TYW1B: variants seen among roughly 807,000 people sequenced by gnomAD.
The protein encoded by TYW1B is tRNA-yW synthesizing protein 1 homolog B, also known as S-adenosyl-L-methionine-dependent tRNA 4-demethylwyosine synthase TYW1B.
A neutral mutation model predicts 86.9 loss-of-function variants in TYW1B; 73 were observed. The ratio of observed to expected loss-of-function variants is 0.84; its 90% CI spans 0.70 to 1.02. The LOEUF (loss-of-function observed/expected upper bound fraction) is 1.02, where lower values mean the gene tolerates loss of function less well. Among genes scored for constraint, TYW1B ranks in the 50% least tolerant of loss-of-function variants. TYW1B has a pLI of 0.00. For missense variants in TYW1B, 637 were observed against 827.4 expected, an observed-to-expected ratio of 0.77 and a Z score of 2.82; for synonymous variants, 248 against 292.8, an observed-to-expected ratio of 0.85 and a Z score of 1.56.
intron 11 of TYW1B, among the ~76,000 whole-genome samples, chr7:72,661,486 T>C (rs1554444459): frequency 6.7e-6 from 1 of 149,120 alleles, no homozygotes; most frequent in Non-Finnish European, 1.5e-5. Context: ...ACGTGGATGC[T>C]GTAGGAGAAT....
chr7:72,710,965 G>T (rs2960973), intron 10 of TYW1B, among the ~76,000 whole-genome samples: 8,500 of 152,148 alleles, frequency 0.056, 553 homozygotes, highest in East Asian at 0.33. Context: ...GACAAACCCC[G>T]CCACTTTTAA....
chr7:72,774,475 C>G (rs1787920026), intron 7 of TYW1B, among the ~76,000 whole-genome samples: 1 of 151,406 alleles, frequency 6.6e-6, no homozygotes, highest in South Asian at 2.1e-4. Flanking sequence ...GTAATCCCAG[C>G]ACTTTGGGAG....
chr7:72,705,019 G>A (rs189116088), intron 10 of TYW1B, among the ~76,000 whole-genome samples: 371 of 152,174 alleles, frequency 2.4e-3, no homozygotes, highest in Non-Finnish European at 4.4e-3. Context: ...CTGGGGGGCG[G>A]GGAACTTCTA....
intron 11 of TYW1B, among the ~76,000 whole-genome samples, chr7:72,632,290 T>TATATATATATATATATTATATATATA (rs1563038339): frequency 8.0e-5 from 9 of 111,928 alleles, no homozygotes; most frequent in Admixed American, 2.1e-4. Flanking sequence ...TACGTGTATA[T>TATATATATATATATATTATATATATA]ATATATATAC....
At chr7:72,601,683 T>TAAA (rs1222810092) in intron 13 of TYW1B, among the ~76,000 whole-genome samples, 1 of 38,442 alleles carries the variant, frequency 2.6e-5, no homozygotes, top group Non-Finnish European at 6.2e-5. Context: ...TATTTGCCAA[T>TAAA]AAAAAAAAAA....
At chr7:72,709,492 C>T (rs1369100278) in intron 10 of TYW1B, among the ~76,000 whole-genome samples, 1 of 150,174 alleles carries the variant, frequency 6.7e-6, no homozygotes, top group African/African-American at 2.4e-5. Flanking sequence ...ACGGTGAAAC[C>T]CCTGTCTCTA....
At chr7:72,606,878 A>C (rs112420811) in intron 13 of TYW1B, among the ~76,000 whole-genome samples, 2,125 of 149,806 alleles carry the variant, frequency 0.014, 41 homozygotes, top group African/African-American at 0.048. Context: ...CGGCTAAGAC[A>C]GAAGATTTAT....
rs1407068222 is a variant in TYW1B, at chr7:72,640,238, A to G, written c.1507-11241T>C. On this transcript the variant is annotated intron_variant, in intron 11 of 13. Transcript: ENST00000620995. The stretch of plus-strand genomic sequence containing the variant: ...TTAGATGCTAAATTTAAATTCAACT[A>G]TATCAATTATCGTATTTCATGCAAA... Among the ~76,000 whole-genome samples, 4 of 152,140 alleles carry G rather than the reference A, an allele frequency of 2.6e-5. No individual in the cohort carries two copies. The East Asian group carries it at 7.7e-4, about 29-fold the overall frequency.
chr7:72,816,650 C>T (rs1788728872), intron 2 of TYW1B, among the ~76,000 whole-genome samples: 1 of 152,154 alleles, frequency 6.6e-6, no homozygotes, highest in African/African-American at 2.4e-5. Context: ...AACTCAGCAC[C>T]TCCTACCCCA....
chr7:72,732,044 A>G (rs782029137), intron 8 of TYW1B, among the ~76,000 whole-genome samples: 1 of 150,000 alleles, frequency 6.7e-6, no homozygotes, highest in Non-Finnish European at 1.5e-5. Context: ...ACCAAGGAAA[A>G]GGTCATTGTG....
intron 11 of TYW1B, among the ~76,000 whole-genome samples, chr7:72,681,223 G>T (rs1554448415): frequency 6.6e-6 from 1 of 152,226 alleles, no homozygotes; most frequent in African/African-American, 2.4e-5. Context: ...ACCAAGAGGA[G>T]ATCGGATAAA....
chr7:72,820,447 CTG>C lies in TYW1B; in HGVS notation c.136-4968_136-4967del, dbSNP rs797035782. On this transcript the variant is annotated intron_variant, in intron 2 of 13. Transcript: ENST00000620995. ...AAGTGCTAACTATGTAAAGGAAAAA[CTG>C]TTATGGGCCACCATAAAAAGGTTTA... Among the ~76,000 whole-genome samples the C allele has an allele frequency of 3.0e-4, 45 of 152,320 alleles. 1 individual carries two copies. The highest frequency in any genetic ancestry group is 1.0e-3 in the African/African-American group (43 of 41,568).
chr7:72,734,271 A>C (rs1787162960), intron 8 of TYW1B, among the ~76,000 whole-genome samples: 1 of 148,592 alleles, frequency 6.7e-6, no homozygotes. Context: ...AAAAAAAAAC[A>C]CAACAAAAAA....
intron 13 of TYW1B, among the ~76,000 whole-genome samples, chr7:72,604,111 C>G (rs1158988568): frequency 1.3e-5 from 2 of 152,090 alleles, no homozygotes; most frequent in African/African-American, 4.8e-5. Context: ...CTCTATAATA[C>G]AGTCTCAATT....
intron 7 of TYW1B, among the ~76,000 whole-genome samples, chr7:72,767,641 A>C (rs1787794603): frequency 1.3e-5 from 2 of 152,062 alleles, no homozygotes; most frequent in Admixed American, 1.3e-4. Flanking sequence ...AAAAATAAAA[A>C]AAACTTTGTC....
chr7:72,673,988 A>T (rs1554446859), intron 11 of TYW1B, among the ~76,000 whole-genome samples: 3 of 152,138 alleles, frequency 2.0e-5, no homozygotes, highest in Non-Finnish European at 1.5e-5. Context: ...TCTAGAGAAT[A>T]AACACCTGAA....
chr7:72,639,342 C>T (rs1453856916), intron 11 of TYW1B, among the ~76,000 whole-genome samples: 2 of 151,804 alleles, frequency 1.3e-5, no homozygotes, highest in South Asian at 2.1e-4. Flanking sequence ...AATTTTTTTA[C>T]TTTTTGTAGA....
chr7:72,770,865 T>C lies in TYW1B; in HGVS notation c.964+6551A>G, dbSNP rs551043242. Reference sequence around the variant, plus strand: ...AACTACTGATGCATGTTACATGATATGACACGGATGCATCTCAAAAATAGG... The same window carrying C: ...AACTACTGATGCATGTTACATGATACGACACGGATGCATCTCAAAAATAGG... On this transcript the variant is annotated intron_variant, in intron 7 of 13. Transcript: ENST00000620995. Among the ~76,000 whole-genome samples, 71 of 151,918 alleles carry C rather than the reference T, an allele frequency of 4.7e-4. No homozygotes were observed. The South Asian group carries it at 0.015, about 31-fold the overall frequency.
intron 13 of TYW1B, among the ~76,000 whole-genome samples, chr7:72,596,376 C>T (rs1554432604): frequency 6.6e-6 from 1 of 152,010 alleles, no homozygotes; most frequent in African/African-American, 2.4e-5. Flanking sequence ...GACTCACACT[C>T]CCTGATTTCA....
Sources: allele counts gnomAD v4.1 joint callset (sites outside exome capture counted in the v4.1 genomes callset), GRCh38; gene constraint gnomAD v4.1.1; transcripts MANE v1.5; gene names NCBI Gene and HGNC (gene_info 2026-07-23, HGNC 2026-07-21).